PIK3C2G: variants seen among roughly 807,000 people sequenced by gnomAD.
PIK3C2G encodes phosphatidylinositol 3-kinase C2 domain-containing subunit gamma.
PIK3C2G carries 168 observed loss-of-function variants against 181.1 expected under a neutral mutation model. The observed-to-expected ratio is 0.93, with a 90% CI of 0.82 to 1.05. The LOEUF (loss-of-function observed/expected upper bound fraction) is 1.05, where lower values mean the gene tolerates loss of function less well. PIK3C2G is among the 50% of genes least tolerant of loss of function. The pLI, the probability that PIK3C2G is intolerant of heterozygous loss-of-function variation, is 0.00. For synonymous variants in PIK3C2G, 573 were observed against 592.2 expected (o/e 0.97, Z 0.47); for missense variants, 1,869 against 1,732.8 (o/e 1.08, Z -1.40).
chr12:18,356,431 T>C (rs1940736168), intron 11 of PIK3C2G, among the ~76,000 whole-genome samples: 2 of 152,088 alleles, frequency 1.3e-5, no homozygotes, highest in African/African-American at 4.8e-5. Flanking sequence ...GAACTCCATG[T>C]GGCCCCGTGG....
At chr12:18,622,813 A>AT (rs568863577) in intron 31 of PIK3C2G, among the ~76,000 whole-genome samples, 65 of 151,604 alleles carry the variant, frequency 4.3e-4, no homozygotes, top group South Asian at 3.8e-3. Context: ...GATGTTGAGC[A>AT]TTTTTTTCAT....
At chr12:18,418,672 T>G (rs939710881) in intron 16 of PIK3C2G, among the ~76,000 whole-genome samples, 1 of 151,988 alleles carries the variant, frequency 6.6e-6, no homozygotes. Context: ...GCCATTAGGA[T>G]AGAAAAATCA....
chr12:18,585,268 A>C (rs1046680792), intron 29 of PIK3C2G, among the ~76,000 whole-genome samples: 1 of 152,136 alleles, frequency 6.6e-6, no homozygotes, highest in Admixed American at 6.5e-5. Flanking sequence ...AGCAAGACCC[A>C]GTGGTATGCT....
At chr12:18,513,520 T>C (rs539429559) in intron 24 of PIK3C2G, among the ~76,000 whole-genome samples, 7 of 151,986 alleles carry the variant, frequency 4.6e-5, no homozygotes, top group African/African-American at 1.7e-4. Context: ...GATTCAGTCT[T>C]GGTAGATTGT....
In PIK3C2G at chr12:18,314,005, T is replaced by C. The variant is rs1469115800; in HGVS notation, c.1078T>C (p.Ser360Pro). The C allele has an allele frequency of 1.9e-6, 3 of 1,592,178 alleles. No homozygotes were observed. The highest frequency in any genetic ancestry group is 1.3e-5 in the African/African-American group (1 of 74,564). ...GSHKMFQKDK[S>P]VIQLHLQKSR... is the part of the protein sequence containing the mutation. Reference sequence around the variant, plus strand: ...CCACAAAATGTTTCAAAAAGATAAATCTGTTATTCAGCTCCACCTGCAGAA... The same window carrying C: ...CCACAAAATGTTTCAAAAAGATAAACCTGTTATTCAGCTCCACCTGCAGAA... The change falls in exon 6 of 33, where the codon TCT becomes CCT. Residue 360 changes from serine (S) to proline (P), a missense_variant. Ser to Pro is a moderately conservative substitution (Grantham distance 74). Transcript: ENST00000538779.
intron 8 of PIK3C2G, among the ~76,000 whole-genome samples, chr12:18,335,035 C>A (rs1938392812): frequency 6.6e-6 from 1 of 152,092 alleles, no homozygotes; most frequent in African/African-American, 2.4e-5. Context: ...CAGAGACACA[C>A]AGAGCACAGA....
chr12:18,720,375 T>C, the PIK3C2G span, among the ~76,000 whole-genome samples: 1 of 151,668 alleles, frequency 6.6e-6, no homozygotes, highest in African/African-American at 2.4e-5. Flanking sequence ...GTATGGTGCA[T>C]GCCTAGGAAT....
Position 18,313,951 on chromosome 12 carries a change from T to G in PIK3C2G, c.1035-11T>G. On this transcript the variant is annotated splice_polypyrimidine_tract_variant and intron_variant, in intron 5 of 32. Coordinates refer to ENST00000538779, the MANE Select transcript of PIK3C2G (RefSeq NM_001288772.2). ...GGAGGATATGATTGTGTTCATTTTTTCCTCCTTCAGCGACCACTGTTTGGG... is the reference window on the plus strand; with the variant it reads ...GGAGGATATGATTGTGTTCATTTTTGCCTCCTTCAGCGACCACTGTTTGGG... 2.1e-6 allele frequency: 3 copies of G among 1,415,342 alleles called. No individual in the cohort carries two copies. The East Asian group carries it at 7.0e-5, about 33-fold the overall frequency. 87.7% of individuals were successfully genotyped at this position (1,415,342 alleles called of 1,614,324 possible).
the PIK3C2G span, among the ~76,000 whole-genome samples, chr12:18,680,331 C>A: frequency 6.6e-6 from 1 of 151,984 alleles, no homozygotes; most frequent in Non-Finnish European, 1.5e-5. Flanking sequence ...CTCCTAGAGG[C>A]TCTGTATAAG....
chr12:18,396,637 C>T (rs2138096394), intron 15 of PIK3C2G, among the ~76,000 whole-genome samples: 1 of 151,480 alleles, frequency 6.6e-6, no homozygotes, highest in Admixed American at 6.6e-5. Context: ...AATTGTGTTC[C>T]AGTAAAAATA....
chr12:18,503,425 C>A lies in PIK3C2G; in HGVS notation c.3153+8C>A, dbSNP rs1306469100. On this transcript the variant is annotated splice_region_variant and intron_variant, in intron 23 of 32. Coordinates refer to ENST00000538779, the MANE Select transcript of PIK3C2G (RefSeq NM_001288772.2). ...AAGGCAGATTATGAAAAGGTTTGTC[C>A]TGTTGCAGATCATTTTAAATAATGT... 1 of 1,583,374 alleles carries A rather than the reference C, an allele frequency of 6.3e-7. No homozygotes were observed. The highest frequency in any genetic ancestry group is 8.6e-7 in the Non-Finnish European group (1 of 1,163,340).
chr12:18,529,211 GA>G lies in PIK3C2G; in HGVS notation c.3324-8942del, dbSNP rs1488048616. Among the ~76,000 whole-genome samples, 7 of 152,178 alleles carry G rather than the reference GA, an allele frequency of 4.6e-5. No individual in the cohort carries two copies. The South Asian group carries it at 1.4e-3, about 32-fold the overall frequency. Reference sequence around the variant, plus strand: ...TTTAAAAACTACAATTAAATGTCATGAAAGGTGGTTGCACTGCAAGAGGCAT... The same window carrying G: ...TTTAAAAACTACAATTAAATGTCATGAAGGTGGTTGCACTGCAAGAGGCAT... On this transcript the variant is annotated intron_variant, in intron 24 of 32. Coordinates refer to ENST00000538779, the MANE Select transcript of PIK3C2G (RefSeq NM_001288772.2).
chr12:18,265,199 T>C (rs1948430433), intron 1 of PIK3C2G, among the ~76,000 whole-genome samples: 1 of 152,226 alleles, frequency 6.6e-6, no homozygotes, highest in Admixed American at 6.5e-5. Context: ...ACTTGGGCTC[T>C]GGTTAAATCC....
At position 18,373,346 on chromosome 12, in the gene PIK3C2G, G is replaced by A. The variant is rs371808049; in HGVS notation, c.1880+2035G>A. Among the ~76,000 whole-genome samples the A allele has an allele frequency of 1.1e-3, 165 of 152,102 alleles. 3 individuals carry two copies. The South Asian group carries it at 0.034, about 31-fold the overall frequency. On this transcript the variant is annotated intron_variant, in intron 13 of 32. Transcript: ENST00000538779. Reference sequence around the variant, plus strand: ...CTAGCCACGTGGAACTATAATGAGCGCTTATGTCATTATTTTTTCCAACAC... The same window carrying A: ...CTAGCCACGTGGAACTATAATGAGCACTTATGTCATTATTTTTTCCAACAC...
At chr12:18,539,260 TCTACC>T (rs949416639) in intron 25 of PIK3C2G, among the ~76,000 whole-genome samples, 1 of 151,940 alleles carries the variant, frequency 6.6e-6, no homozygotes, top group African/African-American at 2.4e-5. Context: ...GATAACAACA[TCTACC>T]TTGTAGAGTT....
intron 24 of PIK3C2G, among the ~76,000 whole-genome samples, chr12:18,529,298 T>C (rs2028980): frequency 0.46 from 69,814 of 151,960 alleles, 16,599 homozygotes; most frequent in East Asian, 0.77. Context: ...GGGCATTTTC[T>C]CTTTGAGTGA....
At chr12:18,497,853 T>C in intron 22 of PIK3C2G, 105 bp downstream of exon 22, 1 of 784,014 alleles carries the variant, frequency 1.3e-6, no homozygotes, top group Non-Finnish European at 1.9e-6. Flanking sequence ...ACTACAAGTT[T>C]GAAAATCCAA....
At chr12:18,409,899 C>T (rs1414147889) in intron 16 of PIK3C2G, among the ~76,000 whole-genome samples, 1 of 152,068 alleles carries the variant, frequency 6.6e-6, no homozygotes, top group Non-Finnish European at 1.5e-5. Flanking sequence ...GCAGGCACAC[C>T]TTCACATGGC....
chr12:18,537,582 AC>A (rs1268003670), intron 24 of PIK3C2G, among the ~76,000 whole-genome samples: 8 of 152,036 alleles, frequency 5.3e-5, no homozygotes. Flanking sequence ...GATATGGTCT[AC>A]TCATATCTTC....
Sources: gnomAD v4.1 joint callset for allele counts (sites outside exome capture counted in the v4.1 genomes callset) on GRCh38, gnomAD v4.1.1 for gene constraint, MANE v1.5 for transcripts, NCBI Gene and HGNC (gene_info 2026-07-23, HGNC 2026-07-21) for gene names.